The following TRIM52 variants were observed in gnomAD, a reference collection of about 807,000 sequenced individuals.
TRIM52 encodes E3 ubiquitin-protein ligase TRIM52.
TRIM52 carries 24 observed loss-of-function variants against 27.0 expected under a neutral mutation model. The ratio of observed to expected loss-of-function variants is 0.89; its 90% CI spans 0.64 to 1.25. The LOEUF is 1.25. TRIM52 is among the 50% of genes most tolerant of loss of function. The pLI, the probability that TRIM52 is intolerant of heterozygous loss-of-function variation, is 0.00. For missense variants in TRIM52, 351 were observed against 354.7 expected (o/e 0.99, Z 0.08); for synonymous variants, 125 against 126.5 (o/e 0.99, Z 0.08).
downstream of TRIM52, among the ~76,000 whole-genome samples, chr5:181,254,244 C>G (rs1398470779): frequency 2.9e-5 from 4 of 135,816 alleles, 1 homozygote; most frequent in African/African-American, 1.3e-4. Context: ...GAGCCGAGAT[C>G]GTGCCACCAC....
At chr5:181,259,493 AG>A (rs67290468) in intron 1 of TRIM52, 73,678 of 174,754 alleles carry the variant, frequency 0.42, 20,703 homozygotes, top group African/African-American at 0.84. Context: ...AGACTTTCAG[AG>A]GGGGGGTGTG....
downstream of TRIM52, among the ~76,000 whole-genome samples, chr5:181,251,993 C>T (rs1368696665): frequency 6.6e-6 from 1 of 152,218 alleles, no homozygotes; most frequent in African/African-American, 2.4e-5. Flanking sequence ...TTTGAGGCTC[C>T]AGCTCTAGCC....
At chr5:181,259,056 G>A (rs897658496) in intron 1 of TRIM52, 1 of 152,182 alleles carries the variant, frequency 6.6e-6, no homozygotes, top group Admixed American at 6.5e-5. Flanking sequence ...CTAGACTTTT[G>A]GTAAGGAAGA....
At chr5:181,252,537 A>G (rs2113234128), downstream of TRIM52, among the ~76,000 whole-genome samples, 1 of 152,302 alleles carries the variant, frequency 6.6e-6, no homozygotes, top group Non-Finnish European at 1.5e-5. Flanking sequence ...TTCCTTTCTT[A>G]TAACCCCATT....
In TRIM52 at chr5:181,260,152, C is replaced by T. The variant is rs376065721; in HGVS notation, c.662G>A (p.Ser221Asn). ...MCPTPYRGNR[S>N]NDQGMCFKHQ... ...TTTAAAGCACATGCCCTGATCATTA[C>T]TCCGGTTTCCCCGATAAGGAGTGGG... Residue 221 changes from serine to asparagine, a missense_variant, in exon 1 of 2, where the codon AGT (serine) becomes AAT (asparagine). By Grantham distance (46) the Ser-to-Asn change is conservative. Transcript: ENST00000688015. The surrounding 1 kb of genome is among the most constrained non-coding windows in gnomAD (Gnocchi z 4.4). 3 of 1,614,100 alleles carry T rather than the reference C, an allele frequency of 1.9e-6. No individual in the cohort carries two copies. The highest frequency in any genetic ancestry group is 2.5e-6 in the Non-Finnish European group (3 of 1,180,048).
chr5:181,257,503 T>C, intron 1 of TRIM52: 1 of 1,606,324 alleles, frequency 6.2e-7, no homozygotes, highest in Non-Finnish European at 8.5e-7. Flanking sequence ...TCCTATATTA[T>C]GAAAAATGAA....
intron 1 of TRIM52, chr5:181,257,482 C>G: frequency 1.2e-6 from 2 of 1,611,338 alleles, no homozygotes; most frequent in Non-Finnish European, 1.7e-6. Context: ...AGAGTTGTTT[C>G]CAACTTTATT....
chr5:181,257,175 C>A, intron 1 of TRIM52: 3 of 1,186,204 alleles, frequency 2.5e-6, no homozygotes, highest in Non-Finnish European at 3.1e-6. Flanking sequence ...TTTCATAATT[C>A]TTTGATTCTA....
chr5:181,250,669 G>C (rs1269084240), downstream of TRIM52, among the ~76,000 whole-genome samples: 1 of 152,196 alleles, frequency 6.6e-6, no homozygotes, highest in Non-Finnish European at 1.5e-5. Flanking sequence ...CTTTCTACTG[G>C]AGAGAGGACG....
In TRIM52 at chr5:181,260,891, A is replaced by G; in HGVS notation, c.-78T>C. On this transcript the variant is annotated 5_prime_UTR_variant, in exon 1 of 2. Coordinates refer to ENST00000688015, the MANE Select transcript of TRIM52 (RefSeq NM_001346048.2). This position sits in a 1 kb window ranked among gnomAD's most constrained non-coding sequence, Gnocchi z 4.4. ...GACGCGCCTGCAGGCCTGCCTCCAA[A>G]CTACTCTGGTGACCCGAGGCTGTCC... 6.7e-7 allele frequency: 1 copy of G among 1,495,512 alleles called. No individual in the cohort carries two copies. The highest frequency in any genetic ancestry group is 8.9e-7 in the Non-Finnish European group (1 of 1,122,672). 92.6% of individuals were successfully genotyped at this position (1,495,512 alleles called of 1,614,324 possible).
Position 181,260,208 on chromosome 5 carries a change from G to A in TRIM52, c.606C>T (p.Ala202=). ...TCTGGCGAATTATCTGGACCATGTT[G>A]GCCAGCTGCAAGTTGGGACGAAAGC... ...RRSFRPNLQL[A]NMVQIIRQMC... Residue 202 remains alanine, a synonymous_variant, in exon 1 of 2, where the codon GCC becomes GCT. Transcript: ENST00000688015. This position sits in a 1 kb window ranked among gnomAD's most constrained non-coding sequence, Gnocchi z 4.4. 6.2e-7 allele frequency: 1 copy of A among 1,614,184 alleles called. No individual in the cohort carries two copies. The highest frequency in any genetic ancestry group is 1.3e-5 in the African/African-American group (1 of 75,044).
intron 1 of TRIM52, chr5:181,257,381 C>A: frequency 6.4e-7 from 1 of 1,568,862 alleles, no homozygotes; most frequent in South Asian, 1.2e-5. Context: ...CCTTAATGAA[C>A]ACCTCCTGTG....
Position 181,260,247 on chromosome 5 carries a change from G to A in TRIM52, c.567C>T (p.Ser189=). 6.2e-7 allele frequency: 1 copy of A among 1,614,236 alleles called. No individual in the cohort carries two copies. Among genetic ancestry groups the A allele is most frequent in the Non-Finnish European group, 8.5e-7 (1 of 1,180,042 alleles). The change falls in exon 1 of 2, where the codon AGC becomes AGT. Residue 189 remains serine, a synonymous_variant. Coordinates refer to ENST00000688015, the MANE Select transcript of TRIM52 (RefSeq NM_001346048.2). The surrounding 1 kb of genome is among the most constrained non-coding windows in gnomAD (Gnocchi z 4.4). ...TGGGACGAAAGCTGCGACGTGTAAA[G>A]CTCTTTCGGCACTGGGGGCAGGTGA... ...GQFTCPQCRK[S]FTRRSFRPNL...
At chr5:181,257,159 TCTTA>T in intron 1 of TRIM52, 3 of 1,155,682 alleles carry the variant, frequency 2.6e-6, no homozygotes, top group Non-Finnish European at 3.2e-6. Context: ...ATCTAAATGA[TCTTA>T]CTTTCATAAT....
chr5:181,259,816 C>A lies in TRIM52; in HGVS notation c.813+185G>T. ...GGGGAAGCCAATCTGCCCCAATCTT[C>A]ATGGTTTTGTGTCTCCTTTTTTACC... On this transcript the variant is annotated intron_variant, in intron 1 of 1. Coordinates refer to ENST00000688015, the MANE Select transcript of TRIM52 (RefSeq NM_001346048.2). 5.1e-6 allele frequency: 7 copies of A among 1,370,762 alleles called. No homozygotes were observed. The South Asian group carries it at 8.7e-5, about 17-fold the overall frequency. 84.9% of individuals were successfully genotyped at this position (1,370,762 alleles called of 1,614,324 possible). A position where few individuals can be genotyped will look rare whatever the true frequency, so the allele number is the denominator to read the frequency against.
At chr5:181,251,898 C>G (rs1410641202), downstream of TRIM52, among the ~76,000 whole-genome samples, 2 of 152,214 alleles carry the variant, frequency 1.3e-5, no homozygotes, top group African/African-American at 2.4e-5. Flanking sequence ...ACCCACTTAC[C>G]TGCTTCAATA....
Position 181,260,878 on chromosome 5 carries a change from G to C in TRIM52, c.-65C>G. The stretch of plus-strand genomic sequence containing the variant: ...GCTGAGGAGCGGGGACGCGCCTGCA[G>C]GCCTGCCTCCAAACTACTCTGGTGA... On this transcript the variant is annotated 5_prime_UTR_variant, in exon 1 of 2. Transcript: ENST00000688015. The surrounding 1 kb of genome is among the most constrained non-coding windows in gnomAD (Gnocchi z 4.4). 6.6e-7 allele frequency: 1 copy of C among 1,514,226 alleles called. No individual in the cohort carries two copies. The highest frequency in any genetic ancestry group is 2.3e-5 in the East Asian group (1 of 43,072). The allele number at this position is 1,514,226 out of a possible 1,614,324, so 93.8% of individuals were successfully genotyped here.
At chr5:181,249,680 AG>A (rs1332057384), downstream of TRIM52, among the ~76,000 whole-genome samples, 1 of 151,600 alleles carries the variant, frequency 6.6e-6, no homozygotes, top group Non-Finnish European at 1.5e-5. Context: ...TGTCTCAAAA[AG>A]AAAAAAAAAA....
chr5:181,256,980 G>A (rs1561687944), intron 1 of TRIM52, 121 bp from the exon 2 acceptor site: 3 of 987,350 alleles, frequency 3.0e-6, no homozygotes, highest in Non-Finnish European at 3.6e-6. Context: ...GAAGCATCTG[G>A]TCCCTCTTGC....
Sources: allele counts gnomAD v4.1 joint callset (sites outside exome capture counted in the v4.1 genomes callset), GRCh38; gene constraint gnomAD v4.1.1; non-coding constraint Gnocchi (gnomAD v3.1); transcripts MANE v1.5; gene names NCBI Gene and HGNC (gene_info 2026-07-23, HGNC 2026-07-21).